The following HS6ST3 variants were observed in gnomAD, a reference collection of about 807,000 sequenced individuals.
HS6ST3 encodes the protein heparan-sulfate 6-O-sulfotransferase 3.
In HS6ST3, 12 loss-of-function variants were observed where a neutral mutation model predicts 36.7. The observed-to-expected ratio is 0.33, with a 90% CI of 0.21 to 0.53. The LOEUF is 0.53. Ranked by LOEUF, HS6ST3 falls within the 20% of genes least tolerant of loss-of-function variation. The pLI is 0.95. For synonymous variants in HS6ST3, 240 were observed against 257.5 expected (o/e 0.93, Z 0.65); for missense variants, 584 against 640.9 (o/e 0.91, Z 0.96).
In HS6ST3 at chr13:96,311,330, G is replaced by GT. The variant is rs376419086; in HGVS notation, c.707+219762dup. Among the ~76,000 whole-genome samples the GT allele has an allele frequency of 7.2e-4, 109 of 152,258 alleles. 2 individuals are homozygous for GT. Among genetic ancestry groups the GT allele is most frequent in the African/African-American group, 2.5e-3 (105 of 41,546 alleles). The stretch of plus-strand genomic sequence containing the variant: ...TCTCAGTTCACATGCCACAACCTCT[G>GT]TAACTGTGGAATGGCAGCATACACA... On this transcript the variant is annotated intron_variant, in intron 1 of 1. Coordinates refer to ENST00000376705, the MANE Select transcript of HS6ST3 (RefSeq NM_153456.4).
At chr13:96,347,247 T>C (rs2055160421) in intron 1 of HS6ST3, among the ~76,000 whole-genome samples, 12 of 152,170 alleles carry the variant, frequency 7.9e-5, no homozygotes, top group Admixed American at 7.9e-4. Flanking sequence ...AAATAGATAA[T>C]GGATGCAGCC....
intron 1 of HS6ST3, among the ~76,000 whole-genome samples, chr13:96,535,425 G>A (rs559741185): frequency 3.9e-4 from 60 of 152,034 alleles, no homozygotes; most frequent in Non-Finnish European, 6.2e-4. Flanking sequence ...GAGCATGGTG[G>A]CACATGCCTG....
In HS6ST3 at chr13:96,573,782, T is replaced by C. The variant is rs1032600433; in HGVS notation, c.708-258708T>C. ...CAGGACCTCTTCAAAACTGCCAGCATGTAGACAGCAGCAGCAGATAGGAGA... is the reference window on the plus strand; with the variant it reads ...CAGGACCTCTTCAAAACTGCCAGCACGTAGACAGCAGCAGCAGATAGGAGA... On this transcript the variant is annotated intron_variant, in intron 1 of 1. Coordinates refer to ENST00000376705, the MANE Select transcript of HS6ST3 (RefSeq NM_153456.4). 3.9e-5 allele frequency: 14 copies of C among 359,676 alleles called. No individual in the cohort carries two copies. In the Middle Eastern group the frequency reaches 2.1e-3, roughly 54 times the overall value. The allele number at this position is 359,676 out of a possible 1,614,324, so 22.3% of individuals were successfully genotyped here.
chr13:96,273,591 G>A (rs1413034019), intron 1 of HS6ST3, among the ~76,000 whole-genome samples: 1 of 151,104 alleles, frequency 6.6e-6, no homozygotes, highest in African/African-American at 2.5e-5. Flanking sequence ...GCTTGGAGTT[G>A]TTTGTTGCTG....
At chr13:96,332,844 T>C (rs2055079086) in intron 1 of HS6ST3, among the ~76,000 whole-genome samples, 1 of 152,224 alleles carries the variant, frequency 6.6e-6, no homozygotes, top group Non-Finnish European at 1.5e-5. Context: ...AATTCATATG[T>C]TGAAAGTTAA....
intron 1 of HS6ST3, among the ~76,000 whole-genome samples, chr13:96,489,466 T>C (rs1281049089): frequency 6.6e-6 from 1 of 152,046 alleles, no homozygotes; most frequent in African/African-American, 2.4e-5. Context: ...GACTGCCAAC[T>C]GGCAAACTTA....
chr13:96,749,873 TG>T (rs564398723), intron 1 of HS6ST3, among the ~76,000 whole-genome samples: 1 of 152,100 alleles, frequency 6.6e-6, no homozygotes, highest in Non-Finnish European at 1.5e-5. Flanking sequence ...CATGTCTGTA[TG>T]TATATAATAT....
chr13:96,314,657 C>T (rs531639263), intron 1 of HS6ST3, among the ~76,000 whole-genome samples: 1 of 152,084 alleles, frequency 6.6e-6, no homozygotes, highest in Non-Finnish European at 1.5e-5. Flanking sequence ...ATTTCAAAAA[C>T]ATATTGTGGA....
chr13:96,603,915 T>C (rs2056430028), intron 1 of HS6ST3, among the ~76,000 whole-genome samples: 1 of 152,328 alleles, frequency 6.6e-6, no homozygotes, highest in South Asian at 2.1e-4. Flanking sequence ...AAGGATCTAC[T>C]GAGGCTAGGA....
intron 1 of HS6ST3, among the ~76,000 whole-genome samples, chr13:96,119,693 G>T (rs1317068130): frequency 6.6e-6 from 1 of 152,070 alleles, no homozygotes; most frequent in Non-Finnish European, 1.5e-5. Flanking sequence ...GAGCCAGAGG[G>T]CCTGGAGGCT....
chr13:96,232,418 A>G (rs1390019062), intron 1 of HS6ST3, among the ~76,000 whole-genome samples: 3 of 152,196 alleles, frequency 2.0e-5, no homozygotes, highest in Non-Finnish European at 4.4e-5. Context: ...CTACAAAGGT[A>G]GGAGAGTAAC....
At chr13:96,348,449 C>G (rs1383883554) in intron 1 of HS6ST3, among the ~76,000 whole-genome samples, 1 of 152,190 alleles carries the variant, frequency 6.6e-6, no homozygotes, top group Non-Finnish European at 1.5e-5. Flanking sequence ...TAGTACTAAT[C>G]AGTGACTAAC....
chr13:96,831,879 C>T (rs1278156450), intron 1 of HS6ST3, among the ~76,000 whole-genome samples: 10 of 135,244 alleles, frequency 7.4e-5, no homozygotes, highest in East Asian at 6.9e-4. Context: ...CGCTTGAACC[C>T]GGGAGGCAGA....
intron 1 of HS6ST3, among the ~76,000 whole-genome samples, chr13:96,743,852 G>A (rs1417346012): frequency 6.6e-6 from 1 of 151,978 alleles, no homozygotes; most frequent in African/African-American, 2.4e-5. Flanking sequence ...TCCTGGCTAT[G>A]ATTTATTGGA....
intron 1 of HS6ST3, among the ~76,000 whole-genome samples, chr13:96,141,244 A>G (rs1181646059): frequency 6.6e-6 from 1 of 152,236 alleles, no homozygotes; most frequent in Non-Finnish European, 1.5e-5. Context: ...GCAGTCTTTT[A>G]GTTGTACAAC....
chr13:96,349,395 G>A (rs867604356), intron 1 of HS6ST3, among the ~76,000 whole-genome samples: 1 of 151,942 alleles, frequency 6.6e-6, no homozygotes, highest in Admixed American at 6.6e-5. Flanking sequence ...GTTTGTTTTG[G>A]AATCATATTG....
chr13:96,730,141 A>G (rs1876111263), intron 1 of HS6ST3, among the ~76,000 whole-genome samples: 1 of 152,138 alleles, frequency 6.6e-6, no homozygotes, highest in South Asian at 2.1e-4. Flanking sequence ...TTCCCCATTT[A>G]GTGTCATTTG....
At chr13:96,739,433 C>A (rs1876378485) in intron 1 of HS6ST3, among the ~76,000 whole-genome samples, 1 of 152,104 alleles carries the variant, frequency 6.6e-6, no homozygotes, top group Non-Finnish European at 1.5e-5. Flanking sequence ...ATCTACAAGC[C>A]TCCCAATCTT....
chr13:96,537,772 A>C (rs1566390355), intron 1 of HS6ST3, among the ~76,000 whole-genome samples: 1 of 152,222 alleles, frequency 6.6e-6, no homozygotes, highest in Non-Finnish European at 1.5e-5. Context: ...CTAATCAGTG[A>C]ACCAATGCTA....
Sources: gnomAD v4.1 joint callset for allele counts (sites outside exome capture counted in the v4.1 genomes callset) on GRCh38, gnomAD v4.1.1 for gene constraint, MANE v1.5 for transcripts, NCBI Gene and HGNC (gene_info 2026-07-23, HGNC 2026-07-21) for gene names.